Variants in ATRX observed in about 807,000 individuals in gnomAD.
ATRX encodes the protein ATRX chromatin remodeler.
A neutral mutation model predicts 172.6 loss-of-function variants in ATRX; 12 were observed. That is an observed-to-expected ratio of 0.07 (90% CI 0.04 to 0.11). The LOEUF (loss-of-function observed/expected upper bound fraction) is 0.11, where lower values mean the gene tolerates loss of function less well. ATRX is among the 10% of genes least tolerant of loss of function. The pLI is 1.00. For synonymous variants in ATRX, 674 were observed against 594.7 expected (o/e 1.13, Z -1.94); for missense variants, 1,368 against 1,767.4 (o/e 0.77, Z 4.05).
chrX:77,679,026 G>C (rs1207693035), intron 9 of ATRX, among the ~76,000 whole-genome samples: 1 of 110,800 alleles, frequency 9.0e-6, no homozygotes, highest in African/African-American at 3.3e-5. Flanking sequence ...AATTAAGTTA[G>C]ACAGAGGAGT....
intron 15 of ATRX, among the ~76,000 whole-genome samples, chrX:77,643,942 C>T (rs928721445): frequency 1.8e-5 from 2 of 110,055 alleles, no homozygotes; most frequent in African/African-American, 6.6e-5. Context: ...AAAAAAAAAG[C>T]CTTCTTTTAT....
At chrX:77,646,709 C>T (rs2068935195) in intron 15 of ATRX, among the ~76,000 whole-genome samples, 1 of 110,748 alleles carries the variant, frequency 9.0e-6, no homozygotes, top group African/African-American at 3.3e-5. Context: ...TCACTTGAGG[C>T]CAGGAGTTGG....
chrX:77,725,154 G>A (rs186939781), intron 1 of ATRX, among the ~76,000 whole-genome samples: 60 of 111,257 alleles, frequency 5.4e-4, no homozygotes, highest in Admixed American at 9.7e-4. Flanking sequence ...TGGTTAAACC[G>A]CATTGCCACA....
At chrX:77,533,987 T>C (rs1434046805) in intron 30 of ATRX, among the ~76,000 whole-genome samples, 1 of 112,016 alleles carries the variant, frequency 8.9e-6, no homozygotes. Context: ...TTCCAGTTTT[T>C]ATTACCAAAT....
chrX:77,582,171 G>A (rs193127405), intron 27 of ATRX, among the ~76,000 whole-genome samples: 125 of 110,994 alleles, frequency 1.1e-3, no homozygotes, highest in African/African-American at 4.0e-3. Flanking sequence ...AGGCTGAGGC[G>A]GGTGGATCAC....
chrX:77,542,984 C>T (rs1320318577), intron 30 of ATRX, among the ~76,000 whole-genome samples: 2 of 111,888 alleles, frequency 1.8e-5, no homozygotes, highest in African/African-American at 6.5e-5. Flanking sequence ...AACTAAAGAG[C>T]TTCTGCACAG....
Position 77,538,052 on chromosome X carries a change from G to A in ATRX, c.6700-14651C>T, listed in dbSNP as rs184225735. Among the ~76,000 whole-genome samples, 324 of 110,276 alleles carry A rather than the reference G, an allele frequency of 2.9e-3. 1 individual carries two copies. Among genetic ancestry groups the A allele is most frequent in the African/African-American group, 0.01 (316 of 30,319 alleles). ...ACTGTCGGGGTGAGGGTTGAGGGGA[G>A]GGAGAGCATCAGGAAGAATAGCTAA... On this transcript the variant is annotated intron_variant, in intron 30 of 34. Coordinates refer to ENST00000373344, the MANE Select transcript of ATRX (RefSeq NM_000489.6).
chrX:77,737,641 G>C (rs2074662412), intron 1 of ATRX, among the ~76,000 whole-genome samples: 1 of 110,821 alleles, frequency 9.0e-6, no homozygotes, highest in African/African-American at 3.3e-5. Flanking sequence ...ATACATGCTT[G>C]AGGGGATGGA....
At chrX:77,513,055 C>T (rs782767697) in intron 34 of ATRX, among the ~76,000 whole-genome samples, 21 of 109,988 alleles carry the variant, frequency 1.9e-4, no homozygotes, top group African/African-American at 5.3e-4. Context: ...CAGTGGCTCA[C>T]GCCTGTAACC....
At chrX:77,584,379 A>T (rs1195221266) in intron 27 of ATRX, among the ~76,000 whole-genome samples, 1 of 111,967 alleles carries the variant, frequency 8.9e-6, no homozygotes. Flanking sequence ...CTAAGCCAAA[A>T]GAACAAAAGT....
chrX:77,683,028 C>T lies in ATRX; in HGVS notation c.2228G>A (p.Arg743Lys). Reference protein sequence around the residue: ...EMLAILKEVSRMSHSSSSDTD... With the variant: ...EMLAILKEVSKMSHSSSSDTD... Reference sequence around the variant, plus strand: ...ATCTGAAGAAGAACTGTGACTCATCCTGCTCACCTCTTTGAGGATTGCTAG... The same window carrying T: ...ATCTGAAGAAGAACTGTGACTCATCTTGCTCACCTCTTTGAGGATTGCTAG... Residue 743 changes from arginine (R) to lysine (K), a missense_variant, in exon 9 of 35, where the codon AGG becomes AAG. Arg to Lys is a conservative substitution (Grantham distance 26). Around this residue, in one of 17 missense-constraint regions of ATRX, gnomAD observed 843 missense variants for 643.1 expected, o/e 1.31. Coordinates refer to ENST00000373344, the MANE Select transcript of ATRX (RefSeq NM_000489.6). The T allele has an allele frequency of 8.3e-7, 1 of 1,210,276 alleles. No individual in the cohort carries two copies. Among genetic ancestry groups the T allele is most frequent in the Non-Finnish European group, 1.1e-6 (1 of 894,512 alleles).
At chrX:77,628,126 A>T (rs2067954785) in intron 19 of ATRX, among the ~76,000 whole-genome samples, 1 of 112,518 alleles carries the variant, frequency 8.9e-6, no homozygotes, top group African/African-American at 3.2e-5. Flanking sequence ...CCTGACTAAA[A>T]GAGTCTGTTA....
chrX:77,779,090 G>T (rs1391874659), intron 1 of ATRX, among the ~76,000 whole-genome samples: 5 of 96,313 alleles, frequency 5.2e-5, no homozygotes, highest in African/African-American at 1.6e-4. Flanking sequence ...ACCATGCCCG[G>T]ATTTTTTTTT....
chrX:77,659,597 G>A (rs943808387), intron 12 of ATRX, among the ~76,000 whole-genome samples: 1 of 106,385 alleles, frequency 9.4e-6, no homozygotes, highest in East Asian at 2.9e-4. Context: ...CTAAGCATAA[G>A]GATACTGCCC....
In ATRX at chrX:77,681,743, T is replaced by A. The variant is rs868995055; in HGVS notation, c.3513A>T (p.Arg1171Ser). 9.2e-6 allele frequency: 11 copies of A among 1,200,963 alleles called. No individual in the cohort carries two copies. In the Admixed American group the frequency reaches 1.8e-4, roughly 20 times the overall value. Residue 1171 changes from arginine (R) to serine (S), a missense_variant, in exon 9 of 35, where the codon AGA (arginine) becomes AGT (serine). By Grantham distance (110) the Arg-to-Ser change is moderately radical. Around this residue, in one of 17 missense-constraint regions of ATRX, gnomAD observed 843 missense variants for 643.1 expected, o/e 1.31. Coordinates refer to ENST00000373344, the MANE Select transcript of ATRX (RefSeq NM_000489.6). ...SSEDNKKKKQ[R>S]TSSKKKAVIV... is the part of the protein sequence containing the mutation. ...TGACTGCCTTCTTTTTAGATGAAGT[T>A]CTTTGCTTCTTCTTTTTATTATCTT... is the stretch of plus-strand genomic sequence containing the variant.
intron 1 of ATRX, among the ~76,000 whole-genome samples, chrX:77,726,042 A>T (rs782634915): frequency 8.9e-6 from 1 of 111,940 alleles, no homozygotes; most frequent in African/African-American, 3.2e-5. Flanking sequence ...AAACTAGTTC[A>T]ACCATTGTGG....
In ATRX at chrX:77,698,597, T is replaced by C; in HGVS notation, c.166A>G (p.Met56Val). ...ACCTCTTCCTTGCTGTTTTCCATCA[T>C]ATCAGAGTTACTTCCAGAACCACTG... ...KISGSGSNSD[M>V]MENSKEEGTS... The change falls in exon 3 of 35, where the codon ATG becomes GTG. Residue 56 changes from methionine (M) to valine (V), a missense_variant. By Grantham distance (21) the Met-to-Val change is conservative. Coordinates refer to ENST00000373344, the MANE Select transcript of ATRX (RefSeq NM_000489.6). 2.5e-6 allele frequency: 3 copies of C among 1,206,366 alleles called. No individual in the cohort carries two copies. The highest frequency in any genetic ancestry group is 2.2e-6 in the Non-Finnish European group (2 of 890,712).
intron 30 of ATRX, among the ~76,000 whole-genome samples, chrX:77,532,524 C>T (rs1003807678): frequency 2.7e-5 from 3 of 111,391 alleles, no homozygotes; most frequent in Non-Finnish European, 5.7e-5. Context: ...ACAAACCTGA[C>T]CAAAACGAGC....
intron 30 of ATRX, among the ~76,000 whole-genome samples, chrX:77,528,527 AC>A (rs2063472217): frequency 9.1e-6 from 1 of 110,280 alleles, no homozygotes; most frequent in Non-Finnish European, 1.9e-5. Flanking sequence ...TCTGGAGCAA[AC>A]CCCCAGCTAA....
Sources: gnomAD v4.1 joint callset for allele counts (sites outside exome capture counted in the v4.1 genomes callset) on GRCh38, gnomAD v4.1.1 for gene constraint, gnomAD v4.1.1 regional missense constraint, MANE v1.5 for transcripts, NCBI Gene and HGNC (gene_info 2026-07-23, HGNC 2026-07-21) for gene names.